Variants in RTTN observed in about 807,000 individuals in gnomAD.
RTTN encodes rotatin.
In RTTN, 182 loss-of-function variants were observed where a neutral mutation model predicts 269.2. The observed-to-expected ratio is 0.68, with a 90% confidence interval of 0.60 to 0.76. The LOEUF is 0.76. Ranked by LOEUF, RTTN falls within the 30% of genes least tolerant of loss-of-function variation. The probability of loss-of-function intolerance (pLI) is 0.00; values close to 1 mark genes in which losing one functional copy is unlikely to be tolerated. For synonymous variants in RTTN, 1,006 were observed against 963.5 expected (o/e 1.04, Z -0.82); for missense variants, 2,545 against 2,608.6 (o/e 0.98, Z 0.53).
At position 70,190,528 on chromosome 18, in the gene RTTN, A is replaced by C; in HGVS notation, c.1189+10T>G. Reference sequence around the variant, plus strand: ...ATTATATCAGAATTACGATTTCTAAAACAACTAACCTGTTCTTAAGAGAGG... The same window carrying C: ...ATTATATCAGAATTACGATTTCTAACACAACTAACCTGTTCTTAAGAGAGG... On this transcript the variant is annotated intron_variant, in intron 9 of 48. Coordinates refer to ENST00000640769, the MANE Select transcript of RTTN (RefSeq NM_173630.4). 1 of 1,582,574 alleles carries C rather than the reference A, an allele frequency of 6.3e-7. No homozygotes were observed. The highest frequency in any genetic ancestry group is 2.3e-5 in the East Asian group (1 of 44,280).
intron 14 of RTTN, among the ~76,000 whole-genome samples, chr18:70,163,093 A>C (rs9748577): frequency 3.5e-5 from 5 of 144,906 alleles, no homozygotes; most frequent in South Asian, 2.2e-4. Flanking sequence ...AAAAAAAAAA[A>C]AAAAACAAGG....
intron 45 of RTTN, chr18:70,019,267 C>A (rs922724790): frequency 6.6e-6 from 1 of 152,172 alleles, no homozygotes; most frequent in African/African-American, 2.4e-5. Flanking sequence ...AAGTCACAGA[C>A]CAGACTCGAG....
At chr18:70,004,366 TA>T (rs1370572904) in intron 48 of RTTN, 130 bp from the exon 49 acceptor site, 10 of 509,928 alleles carry the variant, frequency 2.0e-5, no homozygotes, top group African/African-American at 3.9e-5. Context: ...GTTCTTGATG[TA>T]ATAGCATTCC....
chr18:70,157,367 C>T (rs1194114847), intron 14 of RTTN, among the ~76,000 whole-genome samples: 1 of 152,176 alleles, frequency 6.6e-6, no homozygotes. Flanking sequence ...TGAGCTCTGG[C>T]CCTGAAAGCA....
In RTTN at chr18:70,108,202, G is replaced by T. The variant is rs918904546; in HGVS notation, c.3903+1296C>A. On this transcript the variant is annotated intron_variant, in intron 28 of 48. Coordinates refer to ENST00000640769, the MANE Select transcript of RTTN (RefSeq NM_173630.4). The stretch of plus-strand genomic sequence containing the variant: ...TGAGGCAGGAGAATCACTTGAACCC[G>T]GGAGGCAGAGGTTGCAGTGAGCTGA... Among the ~76,000 whole-genome samples, 3 of 152,114 alleles carry T rather than the reference G, an allele frequency of 2.0e-5. 1 individual carries two copies. In the South Asian group the frequency reaches 6.2e-4, roughly 32 times the overall value.
At chr18:70,146,509 A>G (rs2060397155) in intron 17 of RTTN, among the ~76,000 whole-genome samples, 1 of 152,178 alleles carries the variant, frequency 6.6e-6, no homozygotes, top group South Asian at 2.1e-4. Flanking sequence ...ACAAATTTTA[A>G]GCAATAATAC....
At chr18:70,112,677 G>A (rs2059503402) in intron 27 of RTTN, among the ~76,000 whole-genome samples, 2 of 152,192 alleles carry the variant, frequency 1.3e-5, no homozygotes, top group South Asian at 4.2e-4. Flanking sequence ...CAAGTTCTTA[G>A]AGACCTACAA....
At chr18:70,093,148 T>C (rs2145250267) in intron 28 of RTTN, among the ~76,000 whole-genome samples, 1 of 152,168 alleles carries the variant, frequency 6.6e-6, no homozygotes, top group East Asian at 1.9e-4. Context: ...GAGCTTGCGG[T>C]GAGCTATGAT....
intron 26 of RTTN, among the ~76,000 whole-genome samples, chr18:70,116,490 T>C (rs1253919417): frequency 6.6e-6 from 1 of 152,030 alleles, no homozygotes; most frequent in Non-Finnish European, 1.5e-5. Context: ...CAATACCACT[T>C]GTAAAATATA....
At chr18:70,085,305 T>C (rs1262901748) in intron 32 of RTTN, among the ~76,000 whole-genome samples, 1 of 152,116 alleles carries the variant, frequency 6.6e-6, no homozygotes, top group African/African-American at 2.4e-5. Flanking sequence ...TACGAGCAAA[T>C]TACAAGCCTG....
chr18:70,018,867 T>C (rs1168487765), intron 45 of RTTN, among the ~76,000 whole-genome samples: 1 of 141,546 alleles, frequency 7.1e-6, no homozygotes, highest in Non-Finnish European at 1.5e-5. Flanking sequence ...CTTCTAAAGA[T>C]GTTTTCAGAC....
chr18:70,142,838 A>G (rs949991325), intron 18 of RTTN, among the ~76,000 whole-genome samples: 1 of 152,172 alleles, frequency 6.6e-6, no homozygotes, highest in African/African-American at 2.4e-5. Flanking sequence ...ACAAAAGGCC[A>G]ACATTGTGAA....
chr18:70,137,833 T>A (rs1706985283), intron 21 of RTTN, among the ~76,000 whole-genome samples: 1 of 152,166 alleles, frequency 6.6e-6, no homozygotes, highest in Admixed American at 6.6e-5. Context: ...TATTTACTTG[T>A]CAATGTCTCC....
Position 70,017,688 on chromosome 18 carries a change from G to C in RTTN, c.6154-14C>G. 6.3e-7 allele frequency: 1 copy of C among 1,590,910 alleles called. No individual in the cohort carries two copies. The highest frequency in any genetic ancestry group is 8.6e-7 in the Non-Finnish European group (1 of 1,169,124). ...TAAGAAGTTACTCTGTGGATAAATAGAGAGAATATTATTTTCTTCTCATCT... is the reference window on the plus strand; with the variant it reads ...TAAGAAGTTACTCTGTGGATAAATACAGAGAATATTATTTTCTTCTCATCT... On this transcript the variant is annotated splice_polypyrimidine_tract_variant and intron_variant, in intron 45 of 48. Coordinates refer to ENST00000640769, the MANE Select transcript of RTTN (RefSeq NM_173630.4).
At chr18:70,127,775 T>G in intron 24 of RTTN, 34 bp from the exon 25 acceptor site, 22 of 1,501,166 alleles carry the variant, frequency 1.5e-5, no homozygotes, top group Non-Finnish European at 2.0e-5. Flanking sequence ...AGGAGGAACA[T>G]AAAGCTATTT....
At chr18:70,073,858 T>C (rs770639992) in intron 34 of RTTN, 48 bp downstream of exon 34, 65 of 1,432,032 alleles carry the variant, frequency 4.5e-5, no homozygotes, top group Non-Finnish European at 6.2e-5. Flanking sequence ...CAAACTCAAA[T>C]TTTTTCAGAG....
At chr18:70,075,650 T>C in intron 32 of RTTN, 109 bp from the exon 33 acceptor site, 1 of 782,278 alleles carries the variant, frequency 1.3e-6, no homozygotes, top group Non-Finnish European at 1.9e-6. Flanking sequence ...GATGCTCCCA[T>C]CTCCTTCCAC....
chr18:70,005,872 CT>C (rs1208033574), intron 47 of RTTN: 1 of 154,602 alleles, frequency 6.5e-6, no homozygotes, highest in Non-Finnish European at 1.4e-5. Context: ...GGGTATTTCT[CT>C]TGGGAACAAC....
At position 70,148,885 on chromosome 18, in the gene RTTN, A is replaced by C. The variant is rs752657118; in HGVS notation, c.2309+16T>G. The C allele has an allele frequency of 8.1e-6, 13 of 1,612,814 alleles. No individual in the cohort carries two copies. The highest frequency in any genetic ancestry group is 1.0e-5 in the Non-Finnish European group (12 of 1,179,198). Reference sequence around the variant, plus strand: ...TCCATCAATCTTTGACGTTCACAAGATTACGTTGTACTCACGATGGCTTTT... The same window carrying C: ...TCCATCAATCTTTGACGTTCACAAGCTTACGTTGTACTCACGATGGCTTTT... On this transcript the variant is annotated intron_variant, in intron 17 of 48. Transcript: ENST00000640769.
Sources: allele counts gnomAD v4.1 joint callset (sites outside exome capture counted in the v4.1 genomes callset), GRCh38; gene constraint gnomAD v4.1.1; transcripts MANE v1.5; gene names NCBI Gene and HGNC (gene_info 2026-07-23, HGNC 2026-07-21).